Variants in PRKCE observed in about 807,000 individuals in gnomAD.
PRKCE encodes protein kinase C epsilon type.
A neutral mutation model predicts 85.4 loss-of-function variants in PRKCE; 16 were observed. The ratio of observed to expected loss-of-function variants is 0.19; its 90% CI spans 0.13 to 0.28. The LOEUF is 0.28. Ranked by LOEUF, PRKCE falls within the 10% of genes least tolerant of loss-of-function variation. The pLI, the probability that PRKCE is intolerant of heterozygous loss-of-function variation, is 1.00. For synonymous variants in PRKCE, 388 were observed against 371.5 expected, an observed-to-expected ratio of 1.04 and a Z score of -0.51; for missense variants, 573 against 975.2, an observed-to-expected ratio of 0.59 and a Z score of 5.49.
At chr2:45,703,029 C>G (rs112548919) in intron 1 of PRKCE, among the ~76,000 whole-genome samples, 2 of 151,892 alleles carry the variant, frequency 1.3e-5, no homozygotes, top group East Asian at 3.9e-4. Context: ...TTTCCCCCCC[C>G]GTCAGGAAGT....
intron 6 of PRKCE, among the ~76,000 whole-genome samples, chr2:45,994,129 CTT>C (rs1260910038): frequency 1.3e-5 from 2 of 152,160 alleles, no homozygotes; most frequent in Admixed American, 1.3e-4. Flanking sequence ...TTTTAGTAGA[CTT>C]TACTTTTTAG....
At chr2:45,820,982 A>G (rs1689484678) in intron 1 of PRKCE, among the ~76,000 whole-genome samples, 1 of 151,936 alleles carries the variant, frequency 6.6e-6, no homozygotes, top group African/African-American at 2.4e-5. Context: ...GGGTCTGGCG[A>G]CAAATCACCT....
intron 10 of PRKCE, among the ~76,000 whole-genome samples, chr2:46,049,128 T>C (rs552631517): frequency 6.6e-6 from 1 of 152,324 alleles, no homozygotes; most frequent in East Asian, 1.9e-4. Context: ...ATACAAGGTC[T>C]GTCTTTCCCC....
chr2:45,966,556 A>G (rs577923700), intron 2 of PRKCE, among the ~76,000 whole-genome samples: 2 of 152,254 alleles, frequency 1.3e-5, no homozygotes, highest in African/African-American at 4.8e-5. Context: ...TGTGTTGTAA[A>G]ATTACCTTGA....
At chr2:45,870,186 T>TG (rs1484373836) in intron 2 of PRKCE, among the ~76,000 whole-genome samples, 10 of 152,192 alleles carry the variant, frequency 6.6e-5, no homozygotes, top group Non-Finnish European at 5.9e-5. Flanking sequence ...CCTCAAGTAT[T>TG]ACTCTACTCA....
chr2:45,864,730 A>G (rs751001750), intron 2 of PRKCE, among the ~76,000 whole-genome samples: 3 of 152,184 alleles, frequency 2.0e-5, no homozygotes, highest in Non-Finnish European at 2.9e-5. Context: ...TTTCATGTAT[A>G]ATTGTTTGCG....
In PRKCE at chr2:46,184,367, G is replaced by C. The variant is rs543161464; in HGVS notation, c.2068-368G>C. ...GGTCACAGGGAGGAATGTTGTAATG[G>C]AGCCAGTAGGTTACAGCAGTTGCTG... On this transcript the variant is annotated intron_variant, in intron 14 of 14. Transcript: ENST00000306156. The surrounding 1 kb of genome is among the most constrained non-coding windows in gnomAD (Gnocchi z 5.0). Among the ~76,000 whole-genome samples the C allele has an allele frequency of 1.3e-5, 2 of 152,048 alleles. No homozygotes were observed. Among genetic ancestry groups the C allele is most frequent in the South Asian group, 2.1e-4 (1 of 4,812 alleles).
At chr2:45,668,185 A>G (rs1375776222) in intron 1 of PRKCE, among the ~76,000 whole-genome samples, 2 of 152,132 alleles carry the variant, frequency 1.3e-5, no homozygotes, top group African/African-American at 4.8e-5. Flanking sequence ...TACTAAAAAT[A>G]CAAAAATTAG....
chr2:45,922,651 G>C (rs1698336366), intron 2 of PRKCE, among the ~76,000 whole-genome samples: 2 of 152,332 alleles, frequency 1.3e-5, no homozygotes, highest in South Asian at 4.1e-4. Flanking sequence ...TGCCTGGGGT[G>C]CCGTCAGCTC....
At chr2:45,662,152 C>G (rs1675693365) in intron 1 of PRKCE, among the ~76,000 whole-genome samples, 2 of 152,116 alleles carry the variant, frequency 1.3e-5, no homozygotes, top group Admixed American at 1.3e-4. Context: ...AAAGAATTCA[C>G]AAAAGATTCA....
At chr2:46,113,088 A>G (rs1042296774) in intron 11 of PRKCE, among the ~76,000 whole-genome samples, 1 of 152,232 alleles carries the variant, frequency 6.6e-6, no homozygotes, top group African/African-American at 2.4e-5. Flanking sequence ...GATATTAACC[A>G]TTAATATAAT....
intron 1 of PRKCE, among the ~76,000 whole-genome samples, chr2:45,688,913 G>A (rs10490342): frequency 0.097 from 14,843 of 152,240 alleles, 902 homozygotes; most frequent in Non-Finnish European, 0.13. Flanking sequence ...GGCACAAATC[G>A]TTGGTTGCTC....
intron 2 of PRKCE, among the ~76,000 whole-genome samples, chr2:45,900,514 C>T (rs901053244): frequency 2.0e-5 from 3 of 152,202 alleles, no homozygotes; most frequent in African/African-American, 7.2e-5. Context: ...AAGCCAGTCA[C>T]AAAAGCACAC....
At chr2:45,743,023 A>C (rs1337891240) in intron 1 of PRKCE, among the ~76,000 whole-genome samples, 1 of 152,242 alleles carries the variant, frequency 6.6e-6, no homozygotes, top group Admixed American at 6.5e-5. Flanking sequence ...CCAGTCATAG[A>C]AAAATAAATA....
intron 1 of PRKCE, among the ~76,000 whole-genome samples, chr2:45,821,939 C>T (rs556777664): frequency 3.2e-4 from 49 of 152,196 alleles, no homozygotes; most frequent in African/African-American, 7.7e-4. Flanking sequence ...AGAATGGAAC[C>T]GAAGGGTGGG....
chr2:45,838,681 T>C (rs1445265372), intron 1 of PRKCE, among the ~76,000 whole-genome samples: 1 of 152,142 alleles, frequency 6.6e-6, no homozygotes, highest in Non-Finnish European at 1.5e-5. Context: ...TGCAGTGCAG[T>C]GGCGCATTGC....
rs554456479 is a variant in PRKCE at position 46,084,466 on chromosome 2, A to G, written c.1438-1742A>G. 2.4e-4 allele frequency among the ~76,000 whole-genome samples: 36 copies of G among 152,194 alleles called. No individual in the cohort carries two copies. In the East Asian group the frequency reaches 5.0e-3, roughly 21 times the overall value. On this transcript the variant is annotated intron_variant, in intron 10 of 14. Transcript: ENST00000306156. ...GAGCCGGGCACGGTGGCTCATGCCT[A>G]TAATCCCAGCACTTTGGGAGGCCAA... is the stretch of plus-strand genomic sequence containing the variant.
intron 6 of PRKCE, among the ~76,000 whole-genome samples, chr2:45,988,938 C>G (rs1043089929): frequency 2.6e-5 from 4 of 152,182 alleles, no homozygotes; most frequent in African/African-American, 7.2e-5. Context: ...GTCAGTGGCC[C>G]CTGGAGGCAG....
chr2:45,903,224 G>A (rs1371345931), intron 2 of PRKCE, among the ~76,000 whole-genome samples: 2 of 152,200 alleles, frequency 1.3e-5, no homozygotes, highest in Admixed American at 6.5e-5. Context: ...TCCTCCAAGG[G>A]ATCCCTGCCT....
Sources: allele counts gnomAD v4.1 joint callset (sites outside exome capture counted in the v4.1 genomes callset), GRCh38; gene constraint gnomAD v4.1.1; non-coding constraint Gnocchi (gnomAD v3.1); transcripts MANE v1.5; gene names NCBI Gene and HGNC (gene_info 2026-07-23, HGNC 2026-07-21).